VPS13B: variants seen among roughly 807,000 people sequenced by gnomAD.
VPS13B encodes intermembrane lipid transfer protein VPS13B.
In VPS13B, 285 loss-of-function variants were observed where a neutral mutation model predicts 426.4. The ratio of observed to expected loss-of-function variants is 0.67; its 90% confidence interval spans 0.61 to 0.74. The LOEUF (loss-of-function observed/expected upper bound fraction) is 0.74, where lower values mean the gene tolerates loss of function less well. Among genes scored for constraint, VPS13B ranks in the 30% least tolerant of loss-of-function variants. The pLI is 0.00. For synonymous variants in VPS13B, 1,676 were observed against 1,676.4 expected (o/e 1.00, Z 0.01); for missense variants, 4,537 against 4,782.6 (o/e 0.95, Z 1.51).
chr8:99,102,695 T>C lies in VPS13B; in HGVS notation c.413-258T>C, dbSNP rs553445325. On this transcript the variant is annotated intron_variant, in intron 4 of 61. Coordinates refer to ENST00000357162, the MANE Select transcript of VPS13B (RefSeq NM_152564.5). Reference sequence around the variant, plus strand: ...AATATTATGTTATCAAAAATATATATGGTCTTTGTGGTTTCTCTTAGTATA... The same window carrying C: ...AATATTATGTTATCAAAAATATATACGGTCTTTGTGGTTTCTCTTAGTATA... Among the ~76,000 whole-genome samples, 4 of 152,296 alleles carry C rather than the reference T, an allele frequency of 2.6e-5. No individual in the cohort carries two copies. The South Asian group carries it at 6.2e-4, about 24-fold the overall frequency.
intron 3 of VPS13B, among the ~76,000 whole-genome samples, chr8:99,064,972 G>T (rs1230369024): frequency 4.6e-5 from 7 of 152,166 alleles, no homozygotes; most frequent in African/African-American, 1.2e-4. Context: ...TTAAAGAAAA[G>T]AATTTTCAAC....
In VPS13B at chr8:99,699,685, T is replaced by C; in HGVS notation, c.6207T>C (p.Asp2069=). 1 of 1,614,188 alleles carries C rather than the reference T, an allele frequency of 6.2e-7. No homozygotes were observed. The change falls in exon 36 of 62, where the codon GAT becomes GAC. Residue 2069 remains aspartate (D), a synonymous_variant. Coordinates refer to ENST00000357162, the MANE Select transcript of VPS13B (RefSeq NM_152564.5). Reference sequence around the variant, plus strand: ...CCAACACCATGGTGAATAAGGATGATCTTCCAGTCTCCAAATATTACCGTG... The same window carrying C: ...CCAACACCATGGTGAATAAGGATGACCTTCCAGTCTCCAAATATTACCGTG... ...AMSNTMVNKD[D]LPVSKYYRGK...
chr8:99,175,104 A>T (rs1812557192), intron 16 of VPS13B, among the ~76,000 whole-genome samples: 1 of 152,222 alleles, frequency 6.6e-6, no homozygotes, highest in African/African-American at 2.4e-5. Flanking sequence ...GAAAAAACCC[A>T]TTGGATAAAT....
chr8:99,312,812 A>G (rs913244162), intron 19 of VPS13B, among the ~76,000 whole-genome samples: 3 of 152,194 alleles, frequency 2.0e-5, no homozygotes, highest in Non-Finnish European at 4.4e-5. Context: ...CACCAATCAG[A>G]CATAGATTTG....
chr8:99,536,655 G>C (rs746339976), intron 30 of VPS13B: 3 of 534,526 alleles, frequency 5.6e-6, no homozygotes, highest in South Asian at 4.2e-5. Flanking sequence ...GTATGGGTTT[G>C]ATAAACTGAC....
At chr8:99,800,982 G>A (rs1320014964) in intron 43 of VPS13B, among the ~76,000 whole-genome samples, 1 of 152,118 alleles carries the variant, frequency 6.6e-6, no homozygotes, top group Non-Finnish European at 1.5e-5. Flanking sequence ...ATGACACAAT[G>A]CACTGTTTTA....
At position 99,502,870 on chromosome 8, in the gene VPS13B, T is replaced by C. The variant is rs748881375; in HGVS notation, c.4077T>C (p.Ser1359=). The change falls in exon 27 of 62, where the codon AGT becomes AGC. Residue 1359 remains serine, a synonymous_variant. Transcript: ENST00000357162. ...TGGTCAGTGAACTAGAAGATCTCAG[T>C]GCTTCCATAGATGTCCAGGATGTAT... The part of the protein sequence containing the change: ...VCMVSELEDL[S]ASIDVQDVYT... 1 of 1,613,632 alleles carries C rather than the reference T, an allele frequency of 6.2e-7. No homozygotes were observed. The highest frequency in any genetic ancestry group is 1.7e-5 in the Admixed American group (1 of 60,012).
At chr8:99,690,249 C>T (rs76126670) in intron 35 of VPS13B, among the ~76,000 whole-genome samples, 10,427 of 152,110 alleles carry the variant, frequency 0.069, 533 homozygotes, top group African/African-American at 0.14. Flanking sequence ...GATATCCACA[C>T]ATAAAAGAAT....
At chr8:99,245,432 C>CGCTA (rs1407947686) in intron 17 of VPS13B, among the ~76,000 whole-genome samples, 1 of 152,156 alleles carries the variant, frequency 6.6e-6, no homozygotes, top group Non-Finnish European at 1.5e-5. Flanking sequence ...TGATTTGAAC[C>CGCTA]GCTAAGAACT....
chr8:99,313,633 GC>G (rs1384470594), intron 19 of VPS13B, among the ~76,000 whole-genome samples: 5 of 152,156 alleles, frequency 3.3e-5, no homozygotes, highest in African/African-American at 1.2e-4. Flanking sequence ...ACTTGAGGGG[GC>G]AGTCTGTCCA....
chr8:99,104,846 A>T lies in VPS13B; in HGVS notation c.580+1726A>T, dbSNP rs372305015. ...TGCCCTGTTGCCCAGGCTGGTCTCA[A>T]ACTCCTTGGCTTAAGTGATCCACCC... On this transcript the variant is annotated intron_variant, in intron 5 of 61. Coordinates refer to ENST00000357162, the MANE Select transcript of VPS13B (RefSeq NM_152564.5). Among the ~76,000 whole-genome samples the T allele has an allele frequency of 7.9e-5, 12 of 152,200 alleles. No individual in the cohort carries two copies. The East Asian group carries it at 2.3e-3, about 29-fold the overall frequency.
chr8:99,501,921 TCCC>T (rs1821262370), intron 26 of VPS13B, 63 bp downstream of exon 26: 5 of 1,307,028 alleles, frequency 3.8e-6, no homozygotes, highest in Non-Finnish European at 4.0e-6. Flanking sequence ...CCTCCCTCCC[TCCC>T]TCCCTTCCTT....
chr8:99,512,612 T>G (rs1821849907), intron 29 of VPS13B, among the ~76,000 whole-genome samples: 1 of 152,156 alleles, frequency 6.6e-6, no homozygotes, highest in Middle Eastern at 3.2e-3. Context: ...GCATTACAAC[T>G]GAGAATGGGA....
intron 13 of VPS13B, among the ~76,000 whole-genome samples, chr8:99,144,689 A>C (rs975241966): frequency 6.6e-6 from 1 of 152,204 alleles, no homozygotes; most frequent in African/African-American, 2.4e-5. Context: ...GCATTCATTT[A>C]TTATACCTTA....
chr8:99,304,016 T>C (rs967130099), intron 19 of VPS13B, among the ~76,000 whole-genome samples: 3 of 152,176 alleles, frequency 2.0e-5, no homozygotes, highest in African/African-American at 7.2e-5. Flanking sequence ...AGTATAGTGG[T>C]TAAAAATATG....
intron 21 of VPS13B, among the ~76,000 whole-genome samples, chr8:99,430,715 CT>C (rs1338566797): frequency 2.1e-5 from 3 of 142,890 alleles, no homozygotes; most frequent in Non-Finnish European, 3.0e-5. Flanking sequence ...CCCCCCCCAA[CT>C]TTTTTTTTGT....
intron 2 of VPS13B, among the ~76,000 whole-genome samples, chr8:99,032,699 TTG>T (rs1214144261): frequency 2.1e-5 from 1 of 47,796 alleles, no homozygotes; most frequent in Non-Finnish European, 4.9e-5. Context: ...CGGGCTATTT[TTG>T]TTTTTTTTTT....
intron 16 of VPS13B, among the ~76,000 whole-genome samples, chr8:99,185,215 T>G (rs919071131): frequency 6.6e-6 from 1 of 152,236 alleles, no homozygotes; most frequent in Non-Finnish European, 1.5e-5. Flanking sequence ...ATTAAAATTA[T>G]AAATGTATAT....
chr8:99,857,093 A>G (rs1171589065), intron 56 of VPS13B, among the ~76,000 whole-genome samples: 1 of 152,158 alleles, frequency 6.6e-6, no homozygotes. Context: ...GCAATAAAGG[A>G]GTACCCTTGG....
Sources: allele counts gnomAD v4.1 joint callset (sites outside exome capture counted in the v4.1 genomes callset), GRCh38; gene constraint gnomAD v4.1.1; transcripts MANE v1.5; gene names NCBI Gene and HGNC (gene_info 2026-07-23, HGNC 2026-07-21).